SV2A: variants seen among roughly 807,000 people sequenced by gnomAD.
The protein encoded by SV2A is synaptic vesicle glycoprotein 2A, also known as solute carrier family 22 member B1.
In SV2A, 25 loss-of-function variants were observed where a neutral mutation model predicts 78.0. The observed-to-expected ratio is 0.32, with a 90% confidence interval of 0.23 to 0.45. The LOEUF (loss-of-function observed/expected upper bound fraction) is 0.45. Among genes scored for constraint, SV2A ranks in the 20% least tolerant of loss-of-function variants. SV2A has a pLI of 1.00. For synonymous variants in SV2A, 355 were observed against 384.7 expected (o/e 0.92, Z 0.90); for missense variants, 752 against 971.5 (o/e 0.77, Z 3.00).
At chr1:149,905,251 G>A in intron 12 of SV2A, 54 bp from the exon 13 acceptor site, 2 of 1,523,598 alleles carry the variant, frequency 1.3e-6, no homozygotes, top group Admixed American at 2.0e-5. Context: ...GGGAGGCAAA[G>A]GAAGAGTGGA....
At position 149,908,159 on chromosome 1, in the gene SV2A, T is replaced by C. The variant is rs782806677; in HGVS notation, c.1427A>G (p.Gln476Arg). 1.2e-6 allele frequency: 2 copies of C among 1,614,146 alleles called. No homozygotes were observed. Among genetic ancestry groups the C allele is most frequent in the Non-Finnish European group, 1.7e-6 (2 of 1,180,012 alleles). The change falls in exon 9 of 13, where the codon CAG becomes CGG. Residue 476 changes from glutamine to arginine, a missense_variant. Transcript: ENST00000369146. ...GGTGCGGGATGCGTAGTCCACTGCC[T>C]GGAGATGGCGGATCATGTCAGGAAA... The part of the protein sequence containing the change: ...VWFPDMIRHL[Q>R]AVDYASRTKV...
rs2092466046 is a variant in SV2A, at chr1:149,910,086, C to A, written c.1090-196G>T. Among the ~76,000 whole-genome samples the A allele has an allele frequency of 6.6e-6, 1 of 152,140 alleles. No individual in the cohort carries two copies. On this transcript the variant is annotated intron_variant, in intron 5 of 12. Transcript: ENST00000369146. The surrounding 1 kb of genome is among the most constrained non-coding windows in gnomAD (Gnocchi z 4.2). Reference sequence around the variant, plus strand: ...AGCCCCAAGCTGAGGTATAGCAAGACAATCAGACTTGGGCAAGAGCTGCGG... The same window carrying A: ...AGCCCCAAGCTGAGGTATAGCAAGAAAATCAGACTTGGGCAAGAGCTGCGG...
Position 149,912,306 on chromosome 1 carries a change from G to A in SV2A, c.623-326C>T, listed in dbSNP as rs2092480786. On this transcript the variant is annotated intron_variant, in intron 2 of 12. Transcript: ENST00000369146. ...TTTGAAGGAGGAATGGGTGTGCCTA[G>A]GATCACAGACCACCCCAGGGTCCTC... Among the ~76,000 whole-genome samples the A allele has an allele frequency of 3.3e-5, 5 of 152,024 alleles. No homozygotes were observed. The South Asian group carries it at 8.3e-4, about 25-fold the overall frequency.
In SV2A at chr1:149,905,793, C is replaced by T. The variant is rs186258947; in HGVS notation, c.2045+87G>A. 2.6e-6 allele frequency: 4 copies of T among 1,541,958 alleles called. No individual in the cohort carries two copies. In the East Asian group the frequency reaches 9.0e-5, roughly 35 times the overall value. Reference sequence around the variant, plus strand: ...AATGGAAATGTATATCCTCTCACCCCTAAGGATGCTCTTCCCATTCAGCCC... The same window carrying T: ...AATGGAAATGTATATCCTCTCACCCTTAAGGATGCTCTTCCCATTCAGCCC... On this transcript the variant is annotated intron_variant, in intron 12 of 12. Coordinates refer to ENST00000369146, the MANE Select transcript of SV2A (RefSeq NM_014849.5).
intron 1 of SV2A, among the ~76,000 whole-genome samples, chr1:149,917,335 C>G (rs2092521388): frequency 6.6e-6 from 1 of 151,538 alleles, no homozygotes; most frequent in Non-Finnish European, 1.5e-5. Context: ...ATCCATTCTC[C>G]AGCCCCAGCC....
In SV2A at chr1:149,903,393, T is replaced by G. The variant is rs1211273047; in HGVS notation, c.*1621A>C. On this transcript the variant is annotated 3_prime_UTR_variant, in exon 13 of 13. Coordinates refer to ENST00000369146, the MANE Select transcript of SV2A (RefSeq NM_014849.5). ...ACTGCATTTTTCACATCAACAGAGT[T>G]GGGTTTAGGGTTCCCCAGGAGAGCA... The G allele has an allele frequency of 6.6e-6, 1 of 152,270 alleles. No individual in the cohort carries two copies. Among genetic ancestry groups the G allele is most frequent in the Non-Finnish European group, 1.5e-5 (1 of 68,066 alleles). 9.4% of individuals were successfully genotyped at this position (152,270 alleles called of 1,614,324 possible).
intron 8 of SV2A, 65 bp downstream of exon 8, chr1:149,909,127 A>AAC: frequency 6.6e-7 from 1 of 1,507,032 alleles, no homozygotes; most frequent in Non-Finnish European, 9.2e-7. Flanking sequence ...CATTCTCCCC[A>AAC]CCTCTCTCCC....
chr1:149,913,094 AGCCCT>A (rs2092485837), intron 2 of SV2A, 120 bp downstream of exon 2: 1 of 1,245,072 alleles, frequency 8.0e-7, no homozygotes, highest in African/African-American at 1.5e-5. Flanking sequence ...AGGAACCCTG[AGCCCT>A]CTGGGAACAT....
At chr1:149,909,392 T>C (rs2092460632) in intron 7 of SV2A, 69 bp downstream of exon 7, 4 of 1,553,820 alleles carry the variant, frequency 2.6e-6, no homozygotes, top group Admixed American at 1.7e-5. Flanking sequence ...CCCACACACA[T>C]AGACTTCAGT....
Position 149,909,570 on chromosome 1 carries a change from A to G in SV2A, c.1181T>C (p.Val394Ala). Residue 394 changes from valine (V) to alanine (A), a missense_variant and splice_region_variant, in exon 7 of 13, where the codon GTA becomes GCA. Val to Ala is a moderately conservative substitution (Grantham distance 64). This residue lies in a region of SV2A where 136 missense variants were observed against 132.3 expected (regional missense o/e 1.03). Coordinates refer to ENST00000369146, the MANE Select transcript of SV2A (RefSeq NM_014849.5). ...AKGHPERVFS[V>A]THIKTIHQED... is the part of the protein sequence containing the mutation. Reference sequence around the variant, plus strand: ...CTGATGAATCGTCTTAATGTGGGTTACCTGGGGTCAAGAGAAGGGGTGGGC... The same window carrying G: ...CTGATGAATCGTCTTAATGTGGGTTGCCTGGGGTCAAGAGAAGGGGTGGGC... 2 of 1,613,800 alleles carry G rather than the reference A, an allele frequency of 1.2e-6. No individual in the cohort carries two copies. Among genetic ancestry groups the G allele is most frequent in the Non-Finnish European group, 1.7e-6 (2 of 1,179,756 alleles).
At chr1:149,908,751 C>T (rs2092455422) in intron 8 of SV2A, among the ~76,000 whole-genome samples, 1 of 152,206 alleles carries the variant, frequency 6.6e-6, no homozygotes, top group African/African-American at 2.4e-5. Flanking sequence ...CATTCTCCTG[C>T]CTCAGCCTCC....
chr1:149,912,028 T>G, intron 2 of SV2A, 48 bp from the exon 3 acceptor site: 1 of 1,562,238 alleles, frequency 6.4e-7, no homozygotes, highest in Non-Finnish European at 8.7e-7. Flanking sequence ...CAGACACACC[T>G]TAATTCTCCC....
At chr1:149,911,778 G>A (rs373026060) in intron 3 of SV2A, 22 bp downstream of exon 3, 1 of 1,611,042 alleles carries the variant, frequency 6.2e-7, no homozygotes, top group Non-Finnish European at 8.5e-7. Context: ...GCCCTCAAGG[G>A]ACTTAGGAAG....
chr1:149,910,538 C>A lies in SV2A; in HGVS notation c.1089+32G>T. On this transcript the variant is annotated intron_variant, in intron 5 of 12. Coordinates refer to ENST00000369146, the MANE Select transcript of SV2A (RefSeq NM_014849.5). This position sits in a 1 kb window ranked among gnomAD's most constrained non-coding sequence, Gnocchi z 4.2. ...CCGTCCACACTCCACAGCCCGCACC[C>A]CACCCCACCCCATGCAGCTCAGCCC... The A allele has an allele frequency of 6.4e-7, 1 of 1,569,648 alleles. No individual in the cohort carries two copies. The highest frequency in any genetic ancestry group is 1.2e-5 in the South Asian group (1 of 84,510).
chr1:149,907,095 T>C (rs1553762882), intron 10 of SV2A: 1 of 577,470 alleles, frequency 1.7e-6, no homozygotes, highest in Non-Finnish European at 2.2e-6. Context: ...CCATTAATAG[T>C]CTTAGCTGCT....
rs587731794 is a variant in SV2A, at chr1:149,915,943, C to T, written c.-347-1756G>A. On this transcript the variant is annotated intron_variant, in intron 1 of 12. Transcript: ENST00000369146. ...CACACACACACGCCCTGGTAGAAGA[C>T]GGTAAGCAATGCTATGTGGTTCAGA... 2.6e-5 allele frequency among the ~76,000 whole-genome samples: 4 copies of T among 152,068 alleles called. No homozygotes were observed. The East Asian group carries it at 7.7e-4, about 29-fold the overall frequency.
rs2092485793 is a variant in SV2A at position 149,913,087 on chromosome 1, A to G, written c.622+132T>C. The G allele has an allele frequency of 2.6e-6, 3 of 1,171,430 alleles. No homozygotes were observed. In the South Asian group the frequency reaches 4.4e-5, roughly 17 times the overall value. The allele number at this position is 1,171,430 out of a possible 1,614,324, so 72.6% of individuals were successfully genotyped here. A position where few individuals can be genotyped will look rare whatever the true frequency, so the allele number is the denominator to read the frequency against. ...TGTGTGAGGGAAGAGTGTGCAGAGG[A>G]ACCCTGAGCCCTCTGGGAACATCTT... On this transcript the variant is annotated intron_variant, in intron 2 of 12. Coordinates refer to ENST00000369146, the MANE Select transcript of SV2A (RefSeq NM_014849.5).
chr1:149,908,575 G>C (rs1444839067), intron 8 of SV2A, among the ~76,000 whole-genome samples: 5 of 145,406 alleles, frequency 3.4e-5, no homozygotes. Flanking sequence ...CAAGCCCCAA[G>C]TGCTCCCACT....
At position 149,904,253 on chromosome 1, in the gene SV2A, G is replaced by C. The variant is rs1233309321; in HGVS notation, c.*761C>G. 4 of 152,772 alleles carry C rather than the reference G, an allele frequency of 2.6e-5. No individual in the cohort carries two copies. Among genetic ancestry groups the C allele is most frequent in the Non-Finnish European group, 5.9e-5 (4 of 68,122 alleles). The allele number at this position is 152,772 out of a possible 1,614,324, so 9.5% of individuals were successfully genotyped here. A position where few individuals can be genotyped will look rare whatever the true frequency, so the allele number is the denominator to read the frequency against. The stretch of plus-strand genomic sequence containing the variant: ...AACCAGATTAGGGGAGGAACTGTGG[G>C]AGGCAGGGTTGTGTGTGCATCCGCT... On this transcript the variant is annotated 3_prime_UTR_variant, in exon 13 of 13. Transcript: ENST00000369146.
Sources: gnomAD v4.1 joint callset for allele counts (sites outside exome capture counted in the v4.1 genomes callset) on GRCh38, gnomAD v4.1.1 for gene constraint, gnomAD v4.1.1 regional missense constraint, Gnocchi (gnomAD v3.1) non-coding constraint, MANE v1.5 for transcripts, NCBI Gene and HGNC (gene_info 2026-07-23, HGNC 2026-07-21) for gene names.